The following KSR2 variants were observed in gnomAD, a reference collection of about 807,000 sequenced individuals.
KSR2 encodes kinase suppressor of ras 2.
A neutral mutation model predicts 107.8 loss-of-function variants in KSR2; 25 were observed. That is an observed-to-expected ratio of 0.23 (90% CI 0.17 to 0.32). KSR2 has a LOEUF of 0.32. Among genes scored for constraint, KSR2 ranks in the 10% least tolerant of loss-of-function variants. KSR2 has a pLI of 1.00. For missense variants in KSR2, 887 were observed against 1,268.9 expected (o/e 0.70, Z 4.57); for synonymous variants, 480 against 507.0 (o/e 0.95, Z 0.71).
At chr12:117,467,452 GAAAATAATCA>G (rs1871205639) in intron 19 of KSR2, among the ~76,000 whole-genome samples, 1 of 152,250 alleles carries the variant, frequency 6.6e-6, no homozygotes, top group Admixed American at 6.5e-5. Context: ...TTTCAAAGAT[GAAAATAATCA>G]GAGACGAACT....
At chr12:117,587,168 C>G (rs1314142573) in intron 5 of KSR2, among the ~76,000 whole-genome samples, 3 of 152,124 alleles carry the variant, frequency 2.0e-5, no homozygotes, top group Non-Finnish European at 4.4e-5. Context: ...CCAAAAGATG[C>G]CCACGTCCTG....
At position 117,585,065 on chromosome 12, in the gene KSR2, T is replaced by C. The variant is rs1054207063; in HGVS notation, c.1172-2706A>G. On this transcript the variant is annotated intron_variant, in intron 5 of 19. Coordinates refer to ENST00000339824, the MANE Select transcript of KSR2 (RefSeq NM_173598.6). The stretch of plus-strand genomic sequence containing the variant: ...GTCACACTGTGTGTGTCTGTGTGTG[T>C]GTGTGCGTGTGTGTGTGTTACCAGC... Among the ~76,000 whole-genome samples, 8 of 152,324 alleles carry C rather than the reference T, an allele frequency of 5.3e-5. No homozygotes were observed. The East Asian group carries it at 1.5e-3, about 29-fold the overall frequency.
At chr12:117,614,644 G>T (rs1472434802) in intron 5 of KSR2, among the ~76,000 whole-genome samples, 1 of 152,174 alleles carries the variant, frequency 6.6e-6, no homozygotes, top group Non-Finnish European at 1.5e-5. Flanking sequence ...GTGGAGAAAG[G>T]TCCCTTAATA....
At chr12:117,781,937 A>G (rs955831901) in intron 3 of KSR2, among the ~76,000 whole-genome samples, 15 of 152,308 alleles carry the variant, frequency 9.8e-5, no homozygotes, top group Admixed American at 9.2e-4. Flanking sequence ...TGAAACTGAT[A>G]AAAAATCATC....
chr12:117,688,697 G>A (rs185147241), intron 4 of KSR2, among the ~76,000 whole-genome samples: 6 of 152,246 alleles, frequency 3.9e-5, no homozygotes, highest in African/African-American at 7.2e-5. Flanking sequence ...ATCAGGTTTC[G>A]AGTGTGCCAG....
chr12:117,509,529 A>C (rs1873905072), intron 14 of KSR2, among the ~76,000 whole-genome samples: 1 of 152,226 alleles, frequency 6.6e-6, no homozygotes, highest in Non-Finnish European at 1.5e-5. Context: ...ACAAGATAGA[A>C]TAATAATCCA....
At chr12:117,508,286 C>A (rs1393225656) in intron 14 of KSR2, among the ~76,000 whole-genome samples, 1 of 152,218 alleles carries the variant, frequency 6.6e-6, no homozygotes, top group Non-Finnish European at 1.5e-5. Flanking sequence ...TACTGGCCAT[C>A]ATGTCTTGCC....
intron 4 of KSR2, among the ~76,000 whole-genome samples, chr12:117,710,557 G>A (rs140342390): frequency 9.0e-4 from 137 of 152,216 alleles, no homozygotes; most frequent in Admixed American, 2.8e-3. Context: ...AAAAGCTTTG[G>A]AGTCATGGGT....
In KSR2 at chr12:117,761,350, G is replaced by A; in HGVS notation, c.647C>T (p.Pro216Leu). 6.3e-7 allele frequency: 1 copy of A among 1,585,386 alleles called. No homozygotes were observed. The highest frequency in any genetic ancestry group is 1.1e-5 in the South Asian group (1 of 87,384). The part of the protein sequence containing the change: ...VQHYCHTSPT[P>L]GAPVYTHVDR... ...CACGTGGGTGTACACAGGGGCCCCG[G>A]GAGTGGGGCTGGTGTGACAATAGTG... The change falls in exon 4 of 20, where the codon CCC (proline) becomes CTC (leucine). Residue 216 changes from proline to leucine, a missense_variant. Pro to Leu is a moderately conservative substitution (Grantham distance 98). Transcript: ENST00000339824.
chr12:117,885,409 C>T (rs1248758950), intron 1 of KSR2, among the ~76,000 whole-genome samples: 1 of 151,976 alleles, frequency 6.6e-6, no homozygotes, highest in Non-Finnish European at 1.5e-5. Context: ...GGCAGTTTAC[C>T]CACACAGCCA....
chr12:117,789,042 G>C (rs1890171933), intron 3 of KSR2, among the ~76,000 whole-genome samples: 1 of 152,192 alleles, frequency 6.6e-6, no homozygotes, highest in Non-Finnish European at 1.5e-5. Flanking sequence ...TTTGCAACAA[G>C]TTCTCAGGGG....
intron 9 of KSR2, among the ~76,000 whole-genome samples, chr12:117,542,794 T>C (rs909060695): frequency 6.6e-6 from 1 of 152,246 alleles, no homozygotes; most frequent in African/African-American, 2.4e-5. Context: ...TGCCCAGTTC[T>C]ATTCTCTGTT....
intron 5 of KSR2, among the ~76,000 whole-genome samples, chr12:117,605,584 C>T (rs1881182813): frequency 6.6e-6 from 1 of 152,024 alleles, no homozygotes; most frequent in Non-Finnish European, 1.5e-5. Flanking sequence ...ATGTGTTGTT[C>T]CCCTTCCTGT....
At chr12:117,661,213 T>C (rs1884416662) in intron 5 of KSR2, among the ~76,000 whole-genome samples, 1 of 152,114 alleles carries the variant, frequency 6.6e-6, no homozygotes, top group Admixed American at 6.6e-5. Flanking sequence ...GAAACTGTTC[T>C]AGCTTGCATA....
At chr12:117,652,668 G>A (rs1204349710) in intron 5 of KSR2, among the ~76,000 whole-genome samples, 2 of 152,150 alleles carry the variant, frequency 1.3e-5, no homozygotes, top group African/African-American at 4.8e-5. Flanking sequence ...GCCTTTTAAC[G>A]GGGTAACTGT....
intron 4 of KSR2, among the ~76,000 whole-genome samples, chr12:117,693,878 T>A (rs948869157): frequency 6.6e-6 from 1 of 152,226 alleles, no homozygotes; most frequent in Non-Finnish European, 1.5e-5. Flanking sequence ...CTAGAAGACA[T>A]GCTCTGACGC....
intron 14 of KSR2, among the ~76,000 whole-genome samples, chr12:117,514,683 G>A (rs1051252997): frequency 6.6e-6 from 1 of 151,768 alleles, no homozygotes; most frequent in African/African-American, 2.4e-5. Context: ...CAACTCGCTG[G>A]GACTACAGGA....
chr12:117,726,646 T>C (rs1438546625), intron 4 of KSR2, among the ~76,000 whole-genome samples: 2 of 152,170 alleles, frequency 1.3e-5, no homozygotes, highest in Non-Finnish European at 2.9e-5. Context: ...AAATTCAAAA[T>C]TGCCCCATAT....
intron 5 of KSR2, among the ~76,000 whole-genome samples, chr12:117,636,250 A>T (rs1335932255): frequency 6.6e-6 from 1 of 152,198 alleles, no homozygotes; most frequent in East Asian, 1.9e-4. Flanking sequence ...AAAAAAGGAA[A>T]TATCCGTATA....
Sources: allele counts gnomAD v4.1 joint callset (sites outside exome capture counted in the v4.1 genomes callset), GRCh38; gene constraint gnomAD v4.1.1; transcripts MANE v1.5; gene names NCBI Gene and HGNC (gene_info 2026-07-23, HGNC 2026-07-21).